UNKL: variants seen among roughly 807,000 people sequenced by gnomAD.
UNKL encodes the protein unk like zinc finger.
A neutral mutation model predicts 78.0 loss-of-function variants in UNKL; 60 were observed. The ratio of observed to expected loss-of-function variants is 0.77; its 90% CI spans 0.63 to 0.95. The LOEUF is 0.95. UNKL is among the 40% of genes least tolerant of loss of function. The pLI, the probability that UNKL is intolerant of heterozygous loss-of-function variation, is 0.00. For synonymous variants in UNKL, 608 were observed against 474.8 expected, an observed-to-expected ratio of 1.28 and a Z score of -3.65; for missense variants, 1,159 against 1,045.7, an observed-to-expected ratio of 1.11 and a Z score of -1.49.
At chr16:1,412,460 A>C (rs1267231479) in intron 2 of UNKL, among the ~76,000 whole-genome samples, 1 of 152,144 alleles carries the variant, frequency 6.6e-6, no homozygotes, top group Non-Finnish European at 1.5e-5. Context: ...AAAATACAAA[A>C]ACTTAGCTAG....
In UNKL at chr16:1,401,592, G is replaced by C. The variant is rs752069242; in HGVS notation, c.574C>G (p.Leu192Val). ...CCTTGCCACCGGGGGTCCTCGCTCA[G>C]GATCTTCTCAATCATGGCCTGGCTG... ...LASQAMIEKI[L>V]SEDPRWQDAN... Residue 192 changes from leucine to valine, a missense_variant, in exon 4 of 15, where the codon CTG (leucine) becomes GTG (valine). Transcript: ENST00000389221. 3.1e-6 allele frequency: 5 copies of C among 1,602,852 alleles called. No homozygotes were observed. The Admixed American group carries it at 5.1e-5, about 16-fold the overall frequency.
intron 2 of UNKL, among the ~76,000 whole-genome samples, chr16:1,404,003 GA>G (rs2037641975): frequency 6.6e-6 from 1 of 152,220 alleles, no homozygotes; most frequent in Non-Finnish European, 1.5e-5. Flanking sequence ...GGGTGCAGTG[GA>G]GAGGGGAAGC....
At chr16:1,376,362 T>G (rs1173796358) in intron 10 of UNKL, among the ~76,000 whole-genome samples, 1 of 121,842 alleles carries the variant, frequency 8.2e-6, no homozygotes, top group East Asian at 2.5e-4. Flanking sequence ...GCTGGGGTGC[T>G]CCTCTTCCCT....
At chr16:1,401,522 T>TGGCC in intron 4 of UNKL, 46 bp downstream of exon 4, 1 of 1,467,602 alleles carries the variant, frequency 6.8e-7, no homozygotes, top group Non-Finnish European at 9.1e-7. Flanking sequence ...TCTCGCGCTG[T>TGGCC]GCCCGCCCCC....
rs746278589 is a variant in UNKL, at chr16:1,399,342, G to A, written c.734+32C>T. 4.6e-5 allele frequency: 70 copies of A among 1,535,158 alleles called. 1 individual carries two copies. In the South Asian group the frequency reaches 5.2e-4, roughly 11 times the overall value. On this transcript the variant is annotated intron_variant, in intron 5 of 14. Transcript: ENST00000389221. The surrounding 1 kb of genome is among the most constrained non-coding windows in gnomAD (Gnocchi z 5.8). ...GGGCCGGGAAGGACGCCCACCAGCC[G>A]GAGTCCTCTGAGCACGGTCCCGCAG...
intron 8 of UNKL, 53 bp from the exon 9 acceptor site, chr16:1,390,747 TA>T (rs2037013751): frequency 6.5e-7 from 1 of 1,528,306 alleles, no homozygotes; most frequent in African/African-American, 1.4e-5. Context: ...AAATGTAAAT[TA>T]AAAACATACA....
At chr16:1,395,610 A>C (rs140375047) in intron 6 of UNKL, 5,226 of 442,286 alleles carry the variant, frequency 0.012, 51 homozygotes, top group Non-Finnish European at 0.017. Flanking sequence ...CTTCCGCCCC[A>C]GGAACCTCCT....
chr16:1,379,710 G>A lies in UNKL; in HGVS notation c.1264+5498C>T, dbSNP rs1012340380. On this transcript the variant is annotated intron_variant, in intron 10 of 14. Transcript: ENST00000389221. Reference sequence around the variant, plus strand: ...CCGGCCCGCGCCCCGCCCCCTCCGCGCTGGCCCCGCCCCGCAACGTGACTC... The same window carrying A: ...CCGGCCCGCGCCCCGCCCCCTCCGCACTGGCCCCGCCCCGCAACGTGACTC... 4.2e-4 allele frequency: 406 copies of A among 968,390 alleles called. 2 individuals carry two copies. In the African/African-American group the frequency reaches 6.8e-3, roughly 16 times the overall value. The allele number at this position is 968,390 out of a possible 1,614,324, so 60.0% of individuals were successfully genotyped here. A position where few individuals can be genotyped will look rare whatever the true frequency, so the allele number is the denominator to read the frequency against.
intron 9 of UNKL, among the ~76,000 whole-genome samples, chr16:1,388,544 G>A (rs940562185): frequency 6.6e-6 from 1 of 152,122 alleles, no homozygotes; most frequent in Non-Finnish European, 1.5e-5. Context: ...TGGCCAGGGT[G>A]ATGCGCACAC....
In UNKL at chr16:1,399,110, T is replaced by C; in HGVS notation, c.734+264A>G. The stretch of plus-strand genomic sequence containing the variant: ...TTGGGGTCCCTCCTGCAGTGCTCCG[T>C]CCCCTTGCCTGGCAGAGGGGCCCCG... On this transcript the variant is annotated intron_variant, in intron 5 of 14. Transcript: ENST00000389221. The surrounding 1 kb of genome is among the most constrained non-coding windows in gnomAD (Gnocchi z 5.8). 1 of 1,203,078 alleles carries C rather than the reference T, an allele frequency of 8.3e-7. No homozygotes were observed. Among genetic ancestry groups the C allele is most frequent in the Non-Finnish European group, 1.1e-6 (1 of 891,476 alleles). The allele number at this position is 1,203,078 out of a possible 1,614,324, so 74.5% of individuals were successfully genotyped here.
chr16:1,395,180 T>C (rs2142154628), intron 6 of UNKL, among the ~76,000 whole-genome samples: 1 of 149,806 alleles, frequency 6.7e-6, no homozygotes, highest in African/African-American at 2.5e-5. Flanking sequence ...TTTTTTTTTT[T>C]TTTTTGAGCC....
At chr16:1,369,129 G>A (rs1189861540) in intron 12 of UNKL, among the ~76,000 whole-genome samples, 1 of 133,008 alleles carries the variant, frequency 7.5e-6, no homozygotes. Flanking sequence ...GAGTGCAGTG[G>A]CACAATCTCA....
intron 6 of UNKL, among the ~76,000 whole-genome samples, chr16:1,396,100 C>T (rs1396730086): frequency 6.6e-6 from 1 of 151,616 alleles, no homozygotes; most frequent in African/African-American, 2.4e-5. Context: ...CACCACTACA[C>T]CTGGCTAATT....
chr16:1,390,591 C>T lies in UNKL; in HGVS notation c.1086+41G>A, dbSNP rs74898592. The T allele has an allele frequency of 1.3e-3, 2,007 of 1,532,732 alleles. 18 individuals carry two copies. The African/African-American group carries it at 0.023, about 18-fold the overall frequency. 94.9% of individuals were successfully genotyped at this position (1,532,732 alleles called of 1,614,324 possible). On this transcript the variant is annotated intron_variant, in intron 9 of 14. Transcript: ENST00000389221. ...AGGGCGGGAAGCCTCAGCCCTAACGCGACATCAGGCACGAGGGTGGGAAAC... is the reference window on the plus strand; with the variant it reads ...AGGGCGGGAAGCCTCAGCCCTAACGTGACATCAGGCACGAGGGTGGGAAAC...
intron 12 of UNKL, 176 bp from the exon 13 acceptor site, chr16:1,368,034 C>T: frequency 1.6e-6 from 1 of 627,520 alleles, no homozygotes. Flanking sequence ...CCCCACCAGG[C>T]TCAGGAAGAG....
intron 6 of UNKL, chr16:1,395,676 C>A: frequency 2.2e-6 from 1 of 456,302 alleles, no homozygotes; most frequent in South Asian, 1.5e-5. Flanking sequence ...GGGTTTATCT[C>A]CCTCAGGATT....
intron 1 of UNKL, 146 bp from the exon 2 acceptor site, chr16:1,414,201 C>G: frequency 1.3e-6 from 1 of 790,350 alleles, no homozygotes; most frequent in South Asian, 1.9e-5. Flanking sequence ...GCGCTGCGCC[C>G]ACCCCCATCC....
rs1330536075 is a variant in UNKL, at chr16:1,367,547, G to C, written c.1788+109C>G. The stretch of plus-strand genomic sequence containing the variant: ...TCTCACCCCCCACACGCTCACCTGA[G>C]TCACCTGCGGCCCTCCCTCCCTCCC... On this transcript the variant is annotated intron_variant, in intron 13 of 14. Coordinates refer to ENST00000389221, the MANE Select transcript of UNKL (RefSeq NM_001372107.1). 4.5e-5 allele frequency: 29 copies of C among 642,728 alleles called. No homozygotes were observed. In the South Asian group the frequency reaches 4.5e-4, roughly 10 times the overall value. 39.8% of individuals were successfully genotyped at this position (642,728 alleles called of 1,614,324 possible).
At chr16:1,397,956 G>A (rs1452125571) in intron 5 of UNKL, among the ~76,000 whole-genome samples, 3 of 152,238 alleles carry the variant, frequency 2.0e-5, no homozygotes, top group South Asian at 2.1e-4. Flanking sequence ...TCACGGACAC[G>A]CAGGCCCGGC....
Sources: gnomAD v4.1 joint callset for allele counts (sites outside exome capture counted in the v4.1 genomes callset) on GRCh38, gnomAD v4.1.1 for gene constraint, Gnocchi (gnomAD v3.1) non-coding constraint, MANE v1.5 for transcripts, NCBI Gene and HGNC (gene_info 2026-07-23, HGNC 2026-07-21) for gene names.